PCDHGA11: variants seen among roughly 807,000 people sequenced by gnomAD.
PCDHGA11 encodes the protein protocadherin gamma-A11.
In PCDHGA11, 39 loss-of-function variants were observed where a neutral mutation model predicts 60.4. The observed-to-expected ratio is 0.65, with a 90% CI of 0.50 to 0.84. The LOEUF is 0.84. Ranked by LOEUF, PCDHGA11 falls within the 40% of genes least tolerant of loss-of-function variation. PCDHGA11 has a pLI of 0.00. For synonymous variants in PCDHGA11, 533 were observed against 510.3 expected, an observed-to-expected ratio of 1.04 and a Z score of -0.60; for missense variants, 1,165 against 1,197.7, an observed-to-expected ratio of 0.97 and a Z score of 0.40.
At position 141,431,578 on chromosome 5, in the gene PCDHGA11, C is replaced by T. The variant is rs756332070; in HGVS notation, c.2433+7918C>T. 6.2e-7 allele frequency: 1 copy of T among 1,614,164 alleles called. No homozygotes were observed. On this transcript the variant is annotated intron_variant, in intron 1 of 3. Coordinates refer to ENST00000398587, the MANE Select transcript of PCDHGA11 (RefSeq NM_018914.3). This position sits in a 1 kb window ranked among gnomAD's most constrained non-coding sequence, Gnocchi z 4.8. ...ACGCTACCGACCCTGACGAAGGAGT[C>T]AATGCGGAAGTGAGGTATTCCTTCC...
chr5:141,450,899 A>C (rs1045595271), intron 1 of PCDHGA11, among the ~76,000 whole-genome samples: 1 of 149,514 alleles, frequency 6.7e-6, no homozygotes, highest in Non-Finnish European at 1.5e-5. Context: ...ATATCGGCTC[A>C]CTGCAACCGC....
intron 2 of PCDHGA11, among the ~76,000 whole-genome samples, chr5:141,499,016 GGAAGGAA>G (rs2099788564): frequency 7.0e-6 from 1 of 143,496 alleles, no homozygotes; most frequent in Non-Finnish European, 1.5e-5. Flanking sequence ...AAGGAAGGAA[GGAAGGAA>G]GGAAGAAAAG....
In PCDHGA11 at chr5:141,490,540, C is replaced by T; in HGVS notation, c.2434-4267C>T. The T allele has an allele frequency of 6.2e-7, 1 of 1,614,148 alleles. No homozygotes were observed. Among genetic ancestry groups the T allele is most frequent in the Non-Finnish European group, 8.5e-7 (1 of 1,180,024 alleles). ...GGCCAGCGATGCTGGTTCACCTTCC[C>T]TACACAAACATCTCACCATCAGGCT... On this transcript the variant is annotated intron_variant, in intron 1 of 3. Coordinates refer to ENST00000398587, the MANE Select transcript of PCDHGA11 (RefSeq NM_018914.3). This position sits in a 1 kb window ranked among gnomAD's most constrained non-coding sequence, Gnocchi z 5.4.
chr5:141,489,597 A>T lies in PCDHGA11; in HGVS notation c.2434-5210A>T. The T allele has an allele frequency of 6.2e-7, 1 of 1,614,100 alleles. No individual in the cohort carries two copies. Among genetic ancestry groups the T allele is most frequent in the African/African-American group, 1.3e-5 (1 of 75,040 alleles). ...AACACCCCCTGGAGCTAATCCGTGT[A>T]GAGGTAGAGATCCTGGATCTCAATG... On this transcript the variant is annotated intron_variant, in intron 1 of 3. Transcript: ENST00000398587. The surrounding 1 kb of genome is among the most constrained non-coding windows in gnomAD (Gnocchi z 4.5).
intron 1 of PCDHGA11, among the ~76,000 whole-genome samples, chr5:141,437,434 G>T (rs183505868): frequency 2.6e-5 from 4 of 152,194 alleles, no homozygotes; most frequent in East Asian, 3.8e-4. Context: ...AGCAGCAATA[G>T]CATAGGAATG....
At position 141,432,480 on chromosome 5, in the gene PCDHGA11, G is replaced by C; in HGVS notation, c.2433+8820G>C. ...GCCCTCCCCACGGACGGTTCCACTGGCGTGGAGCTGGCTCCCCGCTCCGCA... is the reference window on the plus strand; with the variant it reads ...GCCCTCCCCACGGACGGTTCCACTGCCGTGGAGCTGGCTCCCCGCTCCGCA... On this transcript the variant is annotated intron_variant, in intron 1 of 3. Coordinates refer to ENST00000398587, the MANE Select transcript of PCDHGA11 (RefSeq NM_018914.3). The surrounding 1 kb of genome is among the most constrained non-coding windows in gnomAD (Gnocchi z 6.0). 6 of 1,614,180 alleles carry C rather than the reference G, an allele frequency of 3.7e-6. No homozygotes were observed. Among genetic ancestry groups the C allele is most frequent in the Non-Finnish European group, 5.1e-6 (6 of 1,180,044 alleles).
intron 1 of PCDHGA11, chr5:141,426,860 A>T (rs771106873): frequency 2.6e-5 from 12 of 456,702 alleles, no homozygotes; most frequent in Admixed American, 2.3e-4. Flanking sequence ...CTCCAGAATT[A>T]GTGCTGGAGA....
At chr5:141,505,332 A>C in intron 2 of PCDHGA11, 61 bp from the exon 3 acceptor site, 1 of 1,610,872 alleles carries the variant, frequency 6.2e-7, no homozygotes, top group South Asian at 1.1e-5. Flanking sequence ...GGGAGAGGAC[A>C]GGAGGGGCAT....
chr5:141,451,007 T>A (rs2098704118), intron 1 of PCDHGA11, among the ~76,000 whole-genome samples: 1 of 151,594 alleles, frequency 6.6e-6, no homozygotes, highest in Non-Finnish European at 1.5e-5. Flanking sequence ...TTGTATTTTT[T>A]TTAGTAGAGA....
Position 141,431,972 on chromosome 5 carries a change from G to T in PCDHGA11, c.2433+8312G>T, listed in dbSNP as rs750484866. On this transcript the variant is annotated intron_variant, in intron 1 of 3. Coordinates refer to ENST00000398587, the MANE Select transcript of PCDHGA11 (RefSeq NM_018914.3). The surrounding 1 kb of genome is among the most constrained non-coding windows in gnomAD (Gnocchi z 4.8). ...ATCTTACGGAAATTACTATAGTTTA[G>T]TCACAGACATAGTCTTGGATAGGGA... is the stretch of plus-strand genomic sequence containing the variant. The T allele has an allele frequency of 8.1e-6, 13 of 1,614,072 alleles. No homozygotes were observed. Among genetic ancestry groups the T allele is most frequent in the Non-Finnish European group, 1.1e-5 (13 of 1,180,028 alleles).
intron 1 of PCDHGA11, among the ~76,000 whole-genome samples, chr5:141,442,888 GCTTATCA>G (rs776180931): frequency 8.5e-5 from 13 of 152,204 alleles, no homozygotes; most frequent in Non-Finnish European, 1.8e-4. Flanking sequence ...CAGAATCCCT[GCTTATCA>G]CTTCTCCTTC....
At position 141,485,010 on chromosome 5, in the gene PCDHGA11, C is replaced by T; in HGVS notation, c.2434-9797C>T. 1 of 629,958 alleles carries T rather than the reference C, an allele frequency of 1.6e-6. No homozygotes were observed. The highest frequency in any genetic ancestry group is 2.9e-6 in the Non-Finnish European group (1 of 350,608). 39.0% of individuals were successfully genotyped at this position (629,958 alleles called of 1,614,324 possible). On this transcript the variant is annotated intron_variant, in intron 1 of 3. Coordinates refer to ENST00000398587, the MANE Select transcript of PCDHGA11 (RefSeq NM_018914.3). This position sits in a 1 kb window ranked among gnomAD's most constrained non-coding sequence, Gnocchi z 5.7. ...GTGGTGAAAGGCAGACAAATCTACC[C>T]CGCCACCAGCAAAAACGGCGCGTAA...
intron 3 of PCDHGA11, 86 bp downstream of exon 3, chr5:141,505,567 T>C: frequency 6.3e-7 from 1 of 1,599,440 alleles, no homozygotes; most frequent in South Asian, 1.1e-5. Flanking sequence ...ACGGACTGGA[T>C]GTCAAACCTG....
chr5:141,495,205 C>T (rs977479495), intron 2 of PCDHGA11, among the ~76,000 whole-genome samples: 1 of 152,212 alleles, frequency 6.6e-6, no homozygotes, highest in African/African-American at 2.4e-5. Flanking sequence ...TACTGCCTAA[C>T]CCCCTCCCCT....
At chr5:141,442,445 T>A (rs2098325574) in intron 1 of PCDHGA11, 1 of 152,198 alleles carries the variant, frequency 6.6e-6, no homozygotes, top group South Asian at 2.1e-4. Flanking sequence ...CCCTCAGGAC[T>A]CAATAGCAGT....
chr5:141,435,890 A>G (rs2097784923), intron 1 of PCDHGA11, among the ~76,000 whole-genome samples: 1 of 152,176 alleles, frequency 6.6e-6, no homozygotes, highest in Non-Finnish European at 1.5e-5. Context: ...AACCCCTTAG[A>G]GAATGAAAGA....
At chr5:141,452,912 A>T (rs1301567203) in intron 1 of PCDHGA11, among the ~76,000 whole-genome samples, 1 of 152,228 alleles carries the variant, frequency 6.6e-6, no homozygotes, top group African/African-American at 2.4e-5. Flanking sequence ...GGCATTATAC[A>T]GTAAGAAAGA....
At chr5:141,478,306 G>A (rs1316502939) in intron 1 of PCDHGA11, 2 of 1,614,056 alleles carry the variant, frequency 1.2e-6, no homozygotes, top group South Asian at 2.2e-5. Flanking sequence ...ACCGAGCCCC[G>A]GTGAGCTCAC....
At chr5:141,426,639 AATGTGATGATAGAAGATATAAATG>A (rs1418104928) in intron 1 of PCDHGA11, 1 of 407,642 alleles carries the variant, frequency 2.5e-6, no homozygotes, top group Non-Finnish European at 5.0e-6. Context: ...TTTTCACATA[AATGTGATGATAGAAGATATAAATG>A]ATAACCCACC....
Sources: gnomAD v4.1 joint callset for allele counts (sites outside exome capture counted in the v4.1 genomes callset) on GRCh38, gnomAD v4.1.1 for gene constraint, Gnocchi (gnomAD v3.1) non-coding constraint, MANE v1.5 for transcripts, NCBI Gene and HGNC (gene_info 2026-07-23, HGNC 2026-07-21) for gene names.